Variants in FARP1 observed in about 807,000 individuals in gnomAD.
The protein encoded by FARP1 is FERM, ARHGEF and pleckstrin domain-containing protein 1.
A neutral mutation model predicts 128.8 loss-of-function variants in FARP1; 52 were observed. The ratio of observed to expected loss-of-function variants is 0.40; its 90% confidence interval spans 0.32 to 0.51. The LOEUF (loss-of-function observed/expected upper bound fraction) is 0.51, where lower values mean the gene tolerates loss of function less well. Ranked by LOEUF, FARP1 falls within the 20% of genes least tolerant of loss-of-function variation. The pLI, the probability that FARP1 is intolerant of heterozygous loss-of-function variation, is 0.45. For missense variants in FARP1, 1,333 were observed against 1,367.9 expected (o/e 0.97, Z 0.40); for synonymous variants, 580 against 551.8 (o/e 1.05, Z -0.72).
At chr13:98,438,504 G>T (rs551765734) in intron 19 of FARP1, among the ~76,000 whole-genome samples, 1 of 152,110 alleles carries the variant, frequency 6.6e-6, no homozygotes, top group South Asian at 2.1e-4. Context: ...GCTGCTGGTG[G>T]TACCTGCCCT....
chr13:98,149,862 C>T (rs1297582444), intron 1 of FARP1, among the ~76,000 whole-genome samples: 4 of 150,016 alleles, frequency 2.7e-5, no homozygotes, highest in East Asian at 2.0e-4. Context: ...CTCAGCCTCC[C>T]GAGTAGCTGG....
intron 17 of FARP1, among the ~76,000 whole-genome samples, chr13:98,428,122 C>T (rs866167213): frequency 6.6e-6 from 1 of 150,796 alleles, no homozygotes; most frequent in African/African-American, 2.4e-5. Flanking sequence ...TCTTCCCAGA[C>T]TCTGCACACA....
intron 1 of FARP1, among the ~76,000 whole-genome samples, chr13:98,148,276 G>A (rs1875722762): frequency 6.6e-6 from 1 of 152,182 alleles, no homozygotes; most frequent in East Asian, 1.9e-4. Context: ...TACTCGGGAG[G>A]CTGAGGCAGG....
intron 1 of FARP1, among the ~76,000 whole-genome samples, chr13:98,153,354 A>AT (rs1372745317): frequency 3.0e-5 from 1 of 33,730 alleles, no homozygotes; most frequent in Non-Finnish European, 1.5e-4. Context: ...TATATATAAA[A>AT]ATATATAAAA....
chr13:98,332,522 A>C (rs1032390435), intron 2 of FARP1: 2 of 152,214 alleles, frequency 1.3e-5, no homozygotes, highest in African/African-American at 4.8e-5. Flanking sequence ...AAAAGTAAAA[A>C]TGTTTGGGAA....
intron 2 of FARP1, among the ~76,000 whole-genome samples, chr13:98,291,501 C>T (rs1234451867): frequency 2.0e-5 from 3 of 152,138 alleles, no homozygotes; most frequent in African/African-American, 7.2e-5. Context: ...CCATCGTGGG[C>T]AGAGTTAGCT....
intron 2 of FARP1, among the ~76,000 whole-genome samples, chr13:98,312,992 A>C (rs1481791484): frequency 1.3e-5 from 2 of 152,176 alleles, no homozygotes; most frequent in Non-Finnish European, 2.9e-5. Flanking sequence ...TGCTCCCTCC[A>C]AAATATGTTG....
intron 2 of FARP1, chr13:98,233,535 C>A (rs537276037): frequency 6.6e-6 from 1 of 152,122 alleles, no homozygotes; most frequent in African/African-American, 2.4e-5. Flanking sequence ...CAGGAGGGTT[C>A]CCCAGCTGAA....
intron 3 of FARP1, among the ~76,000 whole-genome samples, chr13:98,347,418 C>G (rs1385025968): frequency 1.3e-5 from 2 of 152,142 alleles, no homozygotes. Flanking sequence ...CCCAGTTCCC[C>G]TTCCCCAGCC....
intron 3 of FARP1, among the ~76,000 whole-genome samples, chr13:98,362,286 C>T (rs1888903717): frequency 6.6e-6 from 1 of 152,184 alleles, no homozygotes; most frequent in Admixed American, 6.5e-5. Flanking sequence ...AATACCCTTA[C>T]CTGATTCCCC....
chr13:98,446,861 C>T (rs759486332), intron 26 of FARP1, 44 bp downstream of exon 26: 2 of 1,592,550 alleles, frequency 1.3e-6, no homozygotes, highest in African/African-American at 1.3e-5. Flanking sequence ...AGAAGAGGAC[C>T]CCCTCTTCCA....
At chr13:98,229,614 C>T (rs1881993132) in intron 2 of FARP1, among the ~76,000 whole-genome samples, 1 of 151,752 alleles carries the variant, frequency 6.6e-6, no homozygotes, top group Non-Finnish European at 1.5e-5. Flanking sequence ...GGTCCTCCCA[C>T]CCCAGCCTCC....
intron 4 of FARP1, among the ~76,000 whole-genome samples, chr13:98,367,133 A>AGATGATGATGATGATGATGAT (rs111823714): frequency 6.7e-6 from 1 of 148,590 alleles, no homozygotes; most frequent in Non-Finnish European, 1.5e-5. Flanking sequence ...TGCAAATCAC[A>AGATGATGATGATGATGATGAT]GATGATGATG....
chr13:98,293,490 G>C (rs544595159), intron 2 of FARP1, among the ~76,000 whole-genome samples: 1 of 152,266 alleles, frequency 6.6e-6, no homozygotes, highest in South Asian at 2.1e-4. Context: ...GAGGTACCAG[G>C]CTACATGCTG....
intron 16 of FARP1, among the ~76,000 whole-genome samples, chr13:98,414,164 A>G (rs1286387511): frequency 1.3e-5 from 2 of 152,234 alleles, no homozygotes; most frequent in African/African-American, 4.8e-5. Flanking sequence ...TTGCTTAAAA[A>G]GCAGTTGATA....
chr13:98,197,975 T>C (rs1382818161), intron 1 of FARP1, among the ~76,000 whole-genome samples: 1 of 152,194 alleles, frequency 6.6e-6, no homozygotes, highest in Non-Finnish European at 1.5e-5. Flanking sequence ...GGGAATATGC[T>C]GACTAGATTT....
At chr13:98,322,423 AG>A in intron 2 of FARP1, among the ~76,000 whole-genome samples, 1 of 152,238 alleles carries the variant, frequency 6.6e-6, no homozygotes, top group Non-Finnish European at 1.5e-5. Context: ...TGCCACTTCC[AG>A]GGTGAACACC....
chr13:98,429,862 C>T (rs1479326435), intron 17 of FARP1, among the ~76,000 whole-genome samples: 3 of 152,208 alleles, frequency 2.0e-5, no homozygotes, highest in African/African-American at 7.2e-5. Flanking sequence ...AAAAACAAGT[C>T]AATTACAAAA....
chr13:98,365,481 C>G lies in FARP1; in HGVS notation c.319+44C>G, dbSNP rs759257250. The G allele has an allele frequency of 5.0e-6, 7 of 1,411,528 alleles. No homozygotes were observed. The African/African-American group carries it at 5.7e-5, about 11-fold the overall frequency. The allele number at this position is 1,411,528 out of a possible 1,614,324, so 87.4% of individuals were successfully genotyped here. A position where few individuals can be genotyped will look rare whatever the true frequency, so the allele number is the denominator to read the frequency against. ...TTTAATAGTGATGTGAAATCTGAAGCCAGACAGTTTCATGTCTAGACATCT... is the reference window on the plus strand; with the variant it reads ...TTTAATAGTGATGTGAAATCTGAAGGCAGACAGTTTCATGTCTAGACATCT... On this transcript the variant is annotated intron_variant, in intron 4 of 26. Transcript: ENST00000319562.
Sources: allele counts gnomAD v4.1 joint callset (sites outside exome capture counted in the v4.1 genomes callset), GRCh38; gene constraint gnomAD v4.1.1; transcripts MANE v1.5; gene names NCBI Gene and HGNC (gene_info 2026-07-23, HGNC 2026-07-21).